The following PTPRD variants were observed in gnomAD, a reference collection of about 807,000 sequenced individuals.
PTPRD encodes receptor-type tyrosine-protein phosphatase delta.
Under a neutral mutation model 214.5 loss-of-function variants are expected in PTPRD, and 34 were observed. That is an observed-to-expected ratio of 0.16 (90% confidence interval 0.12 to 0.21). PTPRD has a LOEUF of 0.21. Among genes scored for constraint, PTPRD ranks in the 10% least tolerant of loss-of-function variants. The pLI, the probability that PTPRD is intolerant of heterozygous loss-of-function variation, is 1.00. For missense variants in PTPRD, 2,545 were observed against 2,398.7 expected (o/e 1.06, Z -1.27); for synonymous variants, 1,128 against 845.7 (o/e 1.33, Z -5.79).
chr9:9,268,807 CAAAAA>C (rs66741804), intron 9 of PTPRD, among the ~76,000 whole-genome samples: 1 of 110,172 alleles, frequency 9.1e-6, no homozygotes, highest in African/African-American at 3.1e-5. Flanking sequence ...TATCCACAAG[CAAAAA>C]AAAAAAAAAG....
chr9:9,682,894 C>G (rs1475830803), intron 7 of PTPRD, among the ~76,000 whole-genome samples: 1 of 151,692 alleles, frequency 6.6e-6, no homozygotes, highest in East Asian at 1.9e-4. Flanking sequence ...AGAGAGTTTT[C>G]TGGGTCTCTA....
At chr9:8,886,266 A>G (rs1435207719) in intron 11 of PTPRD, among the ~76,000 whole-genome samples, 2 of 152,178 alleles carry the variant, frequency 1.3e-5, no homozygotes, top group Non-Finnish European at 2.9e-5. Flanking sequence ...TACACATGAA[A>G]AGATATGCTT....
chr9:9,547,860 G>T (rs896409552), intron 8 of PTPRD, among the ~76,000 whole-genome samples: 1 of 147,894 alleles, frequency 6.8e-6, no homozygotes, highest in Admixed American at 6.7e-5. Context: ...TAAGCAAATT[G>T]CTAAAAATGA....
intron 2 of PTPRD, among the ~76,000 whole-genome samples, chr9:10,584,806 A>G (rs1354217057): frequency 6.6e-6 from 1 of 152,204 alleles, no homozygotes; most frequent in Non-Finnish European, 1.5e-5. Flanking sequence ...TGAATAAAAC[A>G]TAAGAAGTAT....
At chr9:8,694,591 G>C (rs2097869713) in intron 12 of PTPRD, among the ~76,000 whole-genome samples, 1 of 152,120 alleles carries the variant, frequency 6.6e-6, no homozygotes, top group Non-Finnish European at 1.5e-5. Flanking sequence ...ATTTTATTCA[G>C]GATTAAAAAC....
chr9:8,995,255 T>A (rs190838451), intron 11 of PTPRD, among the ~76,000 whole-genome samples: 1,648 of 152,114 alleles, frequency 0.011, 35 homozygotes, highest in African/African-American at 0.037. Context: ...TTGGTTGTGA[T>A]AATGGCATTA....
chr9:9,234,266 C>A (rs914410896), intron 9 of PTPRD, among the ~76,000 whole-genome samples: 4 of 152,192 alleles, frequency 2.6e-5, no homozygotes, highest in African/African-American at 9.6e-5. Context: ...CCATGCTATA[C>A]CTTGGCCCCT....
chr9:9,480,550 G>A (rs1445417178), intron 8 of PTPRD, among the ~76,000 whole-genome samples: 1 of 151,950 alleles, frequency 6.6e-6, no homozygotes, highest in Non-Finnish European at 1.5e-5. Flanking sequence ...TAAAAAAAAT[G>A]TTAGATTTCA....
chr9:9,320,496 G>A (rs1473602455), intron 9 of PTPRD, among the ~76,000 whole-genome samples: 2 of 152,118 alleles, frequency 1.3e-5, no homozygotes, highest in African/African-American at 2.4e-5. Flanking sequence ...TGTTATAAAT[G>A]ATTGGGGAGT....
intron 11 of PTPRD, among the ~76,000 whole-genome samples, chr9:8,797,428 G>A (rs887644536): frequency 2.6e-4 from 39 of 152,158 alleles, no homozygotes; most frequent in Admixed American, 2.5e-3. Context: ...TTTATTCGGT[G>A]CTAGCACACA....
chr9:9,576,949 G>C (rs1027081566), intron 7 of PTPRD, among the ~76,000 whole-genome samples: 25 of 151,984 alleles, frequency 1.6e-4, no homozygotes, highest in Admixed American at 1.4e-3. Context: ...GTTCTATCTA[G>C]AATGTTTATC....
chr9:8,344,918 A>G (rs1180941019), intron 39 of PTPRD, among the ~76,000 whole-genome samples: 1 of 63,856 alleles, frequency 1.6e-5, no homozygotes, highest in Non-Finnish European at 6.0e-5. Flanking sequence ...TTTTGCAAAC[A>G]TAATGGAAAA....
intron 5 of PTPRD, among the ~76,000 whole-genome samples, chr9:9,813,436 G>A (rs917483207): frequency 4.6e-5 from 7 of 151,440 alleles, no homozygotes; most frequent in African/African-American, 1.7e-4. Context: ...AAATGAAAGA[G>A]AAGATCTAAG....
chr9:9,088,720 C>G (rs540775163), intron 10 of PTPRD, among the ~76,000 whole-genome samples: 3 of 151,256 alleles, frequency 2.0e-5, no homozygotes, highest in Non-Finnish European at 4.4e-5. Context: ...GCCTAGCTTG[C>G]TGAGATTGCA....
chr9:8,544,749 G>T (rs1366699269), intron 14 of PTPRD, among the ~76,000 whole-genome samples: 1 of 151,950 alleles, frequency 6.6e-6, no homozygotes, highest in Non-Finnish European at 1.5e-5. Context: ...GGGATTACAG[G>T]CATGAGCCAC....
chr9:10,592,806 G>A (rs576423850), intron 2 of PTPRD, among the ~76,000 whole-genome samples: 30 of 152,038 alleles, frequency 2.0e-4, no homozygotes, highest in African/African-American at 2.7e-4. Flanking sequence ...GTAGCCAATC[G>A]CAGGGAGGAT....
At chr9:8,626,041 T>C (rs973335930) in intron 14 of PTPRD, among the ~76,000 whole-genome samples, 2 of 151,882 alleles carry the variant, frequency 1.3e-5, no homozygotes, top group African/African-American at 4.8e-5. Flanking sequence ...CTTTGATAAT[T>C]AAACCCTAGA....
intron 8 of PTPRD, among the ~76,000 whole-genome samples, chr9:9,508,812 G>C (rs1007819919): frequency 2.6e-5 from 4 of 151,558 alleles, no homozygotes; most frequent in African/African-American, 7.3e-5. Context: ...TCAGGACGCA[G>C]CAGGATTTAA....
At chr9:9,452,472 A>G (rs1406373591) in intron 8 of PTPRD, among the ~76,000 whole-genome samples, 3 of 151,436 alleles carry the variant, frequency 2.0e-5, no homozygotes, top group African/African-American at 7.2e-5. Context: ...TATCTAAGTA[A>G]ATATGGAAGT....
Sources: allele counts gnomAD v4.1 joint callset (sites outside exome capture counted in the v4.1 genomes callset), GRCh38; gene constraint gnomAD v4.1.1; transcripts MANE v1.5; gene names NCBI Gene and HGNC (gene_info 2026-07-23, HGNC 2026-07-21).